Variants in PTPRD observed in about 807,000 individuals in gnomAD.
PTPRD encodes receptor-type tyrosine-protein phosphatase delta.
In PTPRD, 34 loss-of-function variants were observed where a neutral mutation model predicts 214.5. That is an observed-to-expected ratio of 0.16 (90% CI 0.12 to 0.21). PTPRD has a LOEUF of 0.21. Among genes scored for constraint, PTPRD ranks in the 10% least tolerant of loss-of-function variants. The pLI, the probability that PTPRD is intolerant of heterozygous loss-of-function variation, is 1.00. For missense variants in PTPRD, 2,545 were observed against 2,398.7 expected, an observed-to-expected ratio of 1.06 and a Z score of -1.27; for synonymous variants, 1,128 against 845.7, an observed-to-expected ratio of 1.33 and a Z score of -5.79.
chr9:9,286,051 T>A (rs1240346103), intron 9 of PTPRD, among the ~76,000 whole-genome samples: 1 of 151,808 alleles, frequency 6.6e-6, no homozygotes, highest in Non-Finnish European at 1.5e-5. Context: ...ATCCTATGAA[T>A]TCTATCCTAA....
intron 10 of PTPRD, among the ~76,000 whole-genome samples, chr9:9,053,313 T>A (rs1035210184): frequency 1.6e-4 from 24 of 152,190 alleles, no homozygotes; most frequent in Admixed American, 7.9e-4. Flanking sequence ...TATTAAGAAA[T>A]AATCATTAAA....
At chr9:9,967,299 A>T (rs2094773274) in intron 4 of PTPRD, among the ~76,000 whole-genome samples, 1 of 152,148 alleles carries the variant, frequency 6.6e-6, no homozygotes, top group South Asian at 2.1e-4. Context: ...TATCATTATT[A>T]GCAATAAAGT....
rs1344335408 is a variant in PTPRD, at chr9:9,796,545, A to G, written c.-367-29694T>C. Among the ~76,000 whole-genome samples, 9 of 152,250 alleles carry G rather than the reference A, an allele frequency of 5.9e-5. No homozygotes were observed. The East Asian group carries it at 1.7e-3, about 29-fold the overall frequency. On this transcript the variant is annotated intron_variant, in intron 5 of 45. Transcript: ENST00000381196. ...AGTAGATGAGAATTCTCAGGGAGGGACTTTTCAGTTGGAAGAAATGAAGAG... is the reference window on the plus strand; with the variant it reads ...AGTAGATGAGAATTCTCAGGGAGGGGCTTTTCAGTTGGAAGAAATGAAGAG...
chr9:8,555,204 G>C (rs2083365249), intron 14 of PTPRD, among the ~76,000 whole-genome samples: 2 of 152,066 alleles, frequency 1.3e-5, no homozygotes, highest in Admixed American at 6.6e-5. Context: ...AGGAGTTTGA[G>C]ACCAGCCTGG....
chr9:8,933,587 C>T (rs2098969410), intron 11 of PTPRD, among the ~76,000 whole-genome samples: 2 of 151,890 alleles, frequency 1.3e-5, no homozygotes, highest in South Asian at 4.2e-4. Context: ...CTAATGGATA[C>T]TTGATATATT....
At chr9:10,082,812 TACACACACACACACACACACACACACAA>T (rs1567566030) in intron 3 of PTPRD, among the ~76,000 whole-genome samples, 1 of 138,504 alleles carries the variant, frequency 7.2e-6, no homozygotes, top group Non-Finnish European at 1.6e-5. Context: ...CTACTCCTCC[TACACACACACACACACACACACACACAA>T]ACACACACAC....
rs73394205 is a variant in PTPRD at position 10,120,830 on chromosome 9, A to G, written c.-544-87040T>C. ...CTTAATAATTGCAGGCCAAATATTCAACCCTGCTATCAATCTCACCTAGCA... is the reference window on the plus strand; with the variant it reads ...CTTAATAATTGCAGGCCAAATATTCGACCCTGCTATCAATCTCACCTAGCA... On this transcript the variant is annotated intron_variant, in intron 3 of 45. Transcript: ENST00000381196. 7.0e-3 allele frequency among the ~76,000 whole-genome samples: 1,071 copies of G among 152,222 alleles called. 13 individuals are homozygous for G. The highest frequency in any genetic ancestry group is 0.023 in the African/African-American group (969 of 41,558).
chr9:8,315,794 C>G lies in PTPRD; in HGVS notation c.*2080G>C, dbSNP rs1472727784. 11 of 227,832 alleles carry G rather than the reference C, an allele frequency of 4.8e-5. No individual in the cohort carries two copies. Among genetic ancestry groups the G allele is most frequent in the African/African-American group, 1.1e-4 (5 of 44,986 alleles). 14.1% of individuals were successfully genotyped at this position (227,832 alleles called of 1,614,324 possible). ...GAACATCCATGAAGCTAAAATTAAA[C>G]CAAAGTAGTATACTCATACCAAAAC... On this transcript the variant is annotated 3_prime_UTR_variant, in exon 46 of 46. Transcript: ENST00000381196.
intron 3 of PTPRD, among the ~76,000 whole-genome samples, chr9:10,280,510 C>G (rs974662143): frequency 2.0e-5 from 3 of 152,106 alleles, no homozygotes; most frequent in Non-Finnish European, 4.4e-5. Flanking sequence ...GTTTGTGATT[C>G]TCAAAGTCTA....
intron 4 of PTPRD, among the ~76,000 whole-genome samples, chr9:9,985,901 T>C (rs1420047584): frequency 6.6e-6 from 1 of 152,094 alleles, no homozygotes. Flanking sequence ...TAATTGTTTC[T>C]AACCATGAAA....
rs547780747 is a variant in PTPRD at position 10,038,889 on chromosome 9, G to A, written c.-544-5099C>T. Among the ~76,000 whole-genome samples the A allele has an allele frequency of 3.4e-4, 52 of 152,064 alleles. 1 individual carries two copies. In the South Asian group the frequency reaches 0.011, roughly 31 times the overall value. Reference sequence around the variant, plus strand: ...TATATCCTCATTTCTCTCCCAGATTGTTTTAACAATTATTGCCCTTTACAC... The same window carrying A: ...TATATCCTCATTTCTCTCCCAGATTATTTTAACAATTATTGCCCTTTACAC... On this transcript the variant is annotated intron_variant, in intron 3 of 45. Coordinates refer to ENST00000381196, the MANE Select transcript of PTPRD (RefSeq NM_002839.4).
chr9:9,801,654 G>T (rs965591373), intron 5 of PTPRD, among the ~76,000 whole-genome samples: 1 of 151,948 alleles, frequency 6.6e-6, no homozygotes, highest in African/African-American at 2.4e-5. Flanking sequence ...TTAACTGATT[G>T]GTCAATAATT....
intron 39 of PTPRD, among the ~76,000 whole-genome samples, chr9:8,364,417 C>T (rs1014182110): frequency 2.0e-5 from 3 of 152,186 alleles, no homozygotes; most frequent in African/African-American, 7.2e-5. Context: ...CCTACTTTAT[C>T]GAATAGAAGA....
At chr9:9,625,803 G>C (rs1218163022) in intron 7 of PTPRD, among the ~76,000 whole-genome samples, 1 of 152,148 alleles carries the variant, frequency 6.6e-6, no homozygotes, top group Non-Finnish European at 1.5e-5. Flanking sequence ...ACAGTTAATT[G>C]TAGAAAGAAT....
intron 10 of PTPRD, among the ~76,000 whole-genome samples, chr9:9,177,431 A>C (rs1344816468): frequency 4.6e-5 from 7 of 152,156 alleles, no homozygotes. Context: ...TATTTTTAGA[A>C]GTGAACTGAT....
At chr9:9,714,111 T>A (rs1055664855) in intron 7 of PTPRD, among the ~76,000 whole-genome samples, 100 of 142,908 alleles carry the variant, frequency 7.0e-4, no homozygotes, top group African/African-American at 1.4e-3. Context: ...AAAAAAAAAA[T>A]TTGAATACAA....
At chr9:10,570,049 A>G (rs1212797526) in intron 2 of PTPRD, among the ~76,000 whole-genome samples, 2 of 152,160 alleles carry the variant, frequency 1.3e-5, no homozygotes, top group East Asian at 3.8e-4. Context: ...TCTTTGTCAA[A>G]TGTATAAAGT....
At chr9:8,918,793 A>G (rs1209088110) in intron 11 of PTPRD, among the ~76,000 whole-genome samples, 5 of 152,176 alleles carry the variant, frequency 3.3e-5, no homozygotes, top group Non-Finnish European at 5.9e-5. Flanking sequence ...TTTATGACAC[A>G]ATATTGTGGA....
intron 10 of PTPRD, among the ~76,000 whole-genome samples, chr9:9,070,525 C>T (rs1184469044): frequency 6.6e-6 from 1 of 152,120 alleles, no homozygotes; most frequent in Admixed American, 6.6e-5. Flanking sequence ...CACATTCCTT[C>T]ACATTTTGCC....
Sources: gnomAD v4.1 joint callset for allele counts (sites outside exome capture counted in the v4.1 genomes callset) on GRCh38, gnomAD v4.1.1 for gene constraint, MANE v1.5 for transcripts, NCBI Gene and HGNC (gene_info 2026-07-23, HGNC 2026-07-21) for gene names.